MMP24: variants seen among roughly 807,000 people sequenced by gnomAD.
The protein encoded by MMP24 is matrix metalloproteinase-24.
MMP24 carries 25 observed loss-of-function variants against 62.8 expected under a neutral mutation model. The ratio of observed to expected loss-of-function variants is 0.40; its 90% CI spans 0.29 to 0.56. MMP24 has a LOEUF of 0.56. Ranked by LOEUF, MMP24 falls within the 20% of genes least tolerant of loss-of-function variation. The pLI, the probability that MMP24 is intolerant of heterozygous loss-of-function variation, is 0.50. For synonymous variants in MMP24, 319 were observed against 350.5 expected, an observed-to-expected ratio of 0.91 and a Z score of 1.00; for missense variants, 634 against 853.6, an observed-to-expected ratio of 0.74 and a Z score of 3.21.
At chr20:35,227,820 G>A (rs1460234840) in intron 1 of MMP24, among the ~76,000 whole-genome samples, 1 of 152,102 alleles carries the variant, frequency 6.6e-6, no homozygotes. Context: ...TTTTACAGAT[G>A]GGGATACAGA....
rs1310906620 is a variant in MMP24, at chr20:35,276,515, C to T, written c.*1906C>T. 2.6e-6 allele frequency: 1 copy of T among 388,784 alleles called. No individual in the cohort carries two copies. The highest frequency in any genetic ancestry group is 3.6e-5 in the East Asian group (1 of 27,456). 24.1% of individuals were successfully genotyped at this position (388,784 alleles called of 1,614,324 possible). ...CCAGTGGGCTGGCTGGGTCTTGTGT[C>T]CCCATCTGTGGACCCCTCTAGGGTC... On this transcript the variant is annotated 3_prime_UTR_variant, in exon 9 of 9. Coordinates refer to ENST00000246186, the MANE Select transcript of MMP24 (RefSeq NM_006690.4).
chr20:35,237,019 G>C (rs1414381797), intron 1 of MMP24, among the ~76,000 whole-genome samples: 1 of 151,658 alleles, frequency 6.6e-6, no homozygotes, highest in African/African-American at 2.4e-5. Flanking sequence ...GTTGGTGGGG[G>C]AGCTGGGAAT....
chr20:35,255,445 C>T (rs1273067242), intron 4 of MMP24, among the ~76,000 whole-genome samples: 1 of 152,152 alleles, frequency 6.6e-6, no homozygotes, highest in African/African-American at 2.4e-5. Flanking sequence ...ACGACTGGCT[C>T]TCTCCTTTGT....
chr20:35,265,524 GTATTAAATAAACTAC>G (rs1487082707), intron 5 of MMP24, among the ~76,000 whole-genome samples: 1 of 151,982 alleles, frequency 6.6e-6, no homozygotes, highest in African/African-American at 2.4e-5. Context: ...ACACTAGTAT[GTATTAAATAAACTAC>G]TATTAAATAA....
chr20:35,226,890 G>GGGC lies in MMP24; in HGVS notation c.170_172dup (p.Ala57dup), dbSNP rs1180290790. On this transcript the variant is annotated inframe_insertion, in exon 1 of 9. Transcript: ENST00000246186. ...CTCTGCTGCCTCCCGGGCGCCGCGC[G>GGGC]GGCGGCGGCGGCGGCGGCGGGGGCA... 4.2e-5 allele frequency: 41 copies of GGGC among 977,174 alleles called. No individual in the cohort carries two copies. Among genetic ancestry groups the GGGC allele is most frequent in the Middle Eastern group, 5.3e-4 (1 of 1,896 alleles). The allele number at this position is 977,174 out of a possible 1,614,324, so 60.5% of individuals were successfully genotyped here. A position where few individuals can be genotyped will look rare whatever the true frequency, so the allele number is the denominator to read the frequency against.
chr20:35,265,688 G>A (rs528876395), intron 5 of MMP24, among the ~76,000 whole-genome samples: 16 of 151,940 alleles, frequency 1.1e-4, no homozygotes, highest in African/African-American at 3.6e-4. Context: ...AGACCAGCCT[G>A]GGCAACAAAG....
intron 1 of MMP24, among the ~76,000 whole-genome samples, chr20:35,232,998 C>T (rs996887730): frequency 1.4e-4 from 21 of 152,006 alleles, no homozygotes; most frequent in African/African-American, 4.4e-4. Context: ...TCAAGTGACC[C>T]GCCCACCTTG....
intron 4 of MMP24, among the ~76,000 whole-genome samples, chr20:35,256,714 C>CAAAA (rs74173944): frequency 0.01 from 400 of 39,684 alleles, 25 homozygotes; most frequent in South Asian, 0.055. Flanking sequence ...GATTCCGTCT[C>CAAAA]AAAAAAAAAA....
rs1471585079 is a variant in MMP24 at position 35,226,926 on chromosome 20, C to A, written c.188C>A (p.Ala63Glu). ...GCGGCGGCGGGGGCAGGGAACCGGG[C>A]AGCGGTGGCGGTGGCGGTGGCGCGG... is the stretch of plus-strand genomic sequence containing the variant. ...AAAAAGAGNR[A>E]AVAVAVARAD... Residue 63 changes from alanine to glutamate, a missense_variant, in exon 1 of 9, where the codon GCA (alanine) becomes GAA (glutamate). This residue lies in a region of MMP24 where 212 missense variants were observed against 259.6 expected (regional missense o/e 0.82). Transcript: ENST00000246186. The A allele has an allele frequency of 1.0e-6, 1 of 975,940 alleles. No homozygotes were observed. Among genetic ancestry groups the A allele is most frequent in the Non-Finnish European group, 1.2e-6 (1 of 824,196 alleles). The allele number at this position is 975,940 out of a possible 1,614,324, so 60.5% of individuals were successfully genotyped here. A position where few individuals can be genotyped will look rare whatever the true frequency, so the allele number is the denominator to read the frequency against.
intron 6 of MMP24, among the ~76,000 whole-genome samples, chr20:35,268,779 A>G (rs1026299512): frequency 2.1e-4 from 31 of 148,826 alleles, no homozygotes; most frequent in African/African-American, 3.7e-4. Flanking sequence ...TGCAATCCCA[A>G]CACTTTGGGA....
intron 5 of MMP24, 187 bp downstream of exon 5, chr20:35,264,139 C>T (rs1317459391): frequency 1.9e-5 from 11 of 593,730 alleles, no homozygotes; most frequent in Non-Finnish European, 2.1e-5. Context: ...TCCCCTGGCA[C>T]ACCTGGGAAA....
chr20:35,243,178 C>CA (rs2060497512), intron 1 of MMP24, among the ~76,000 whole-genome samples: 1 of 151,226 alleles, frequency 6.6e-6, no homozygotes, highest in Non-Finnish European at 1.5e-5. Context: ...GACTTCATCT[C>CA]AAAAAAAGAA....
At chr20:35,250,773 C>G (rs2060540814) in intron 2 of MMP24, among the ~76,000 whole-genome samples, 1 of 151,946 alleles carries the variant, frequency 6.6e-6, no homozygotes, top group Admixed American at 6.6e-5. Flanking sequence ...GGGGGAGGTG[C>G]TCCACACCAT....
intron 1 of MMP24, among the ~76,000 whole-genome samples, chr20:35,227,885 T>C (rs147319873): frequency 8.9e-4 from 135 of 152,304 alleles, no homozygotes; most frequent in African/African-American, 3.2e-3. Flanking sequence ...GTGATGGAAT[T>C]GGAATTCTAA....
In MMP24 at chr20:35,274,474, C is replaced by A; in HGVS notation, c.1803C>A (p.Asn601Lys). The A allele has an allele frequency of 6.2e-7, 1 of 1,614,046 alleles. No homozygotes were observed. Among genetic ancestry groups the A allele is most frequent in the Non-Finnish European group, 8.5e-7 (1 of 1,179,894 alleles). Residue 601 changes from asparagine to lysine, a missense_variant, in exon 9 of 9, where the codon AAC (asparagine) becomes AAA (lysine). Coordinates refer to ENST00000246186, the MANE Select transcript of MMP24 (RefSeq NM_006690.4). This position sits in a 1 kb window ranked among gnomAD's most constrained non-coding sequence, Gnocchi z 5.1. ...TCAACGATGTGCCGGGCTCCGTGAA[C>A]GCCGTGGCCGTGGTCATCCCCTGCA... is the stretch of plus-strand genomic sequence containing the variant. ...VTINDVPGSV[N>K]AVAVVIPCIL...
In MMP24 at chr20:35,274,161, T is replaced by C. The variant is rs1600810471; in HGVS notation, c.1601-111T>C. 9.4e-7 allele frequency: 1 copy of C among 1,068,590 alleles called. No homozygotes were observed. Among genetic ancestry groups the C allele is most frequent in the East Asian group, 2.4e-5 (1 of 41,012 alleles). The allele number at this position is 1,068,590 out of a possible 1,614,324, so 66.2% of individuals were successfully genotyped here. A position where few individuals can be genotyped will look rare whatever the true frequency, so the allele number is the denominator to read the frequency against. ...AAGCACTGCACCCCAAACCTCCAGG[T>C]GTGCCCACCTTGCCTCCCTTGCCAC... On this transcript the variant is annotated intron_variant, in intron 8 of 8. Transcript: ENST00000246186. The surrounding 1 kb of genome is among the most constrained non-coding windows in gnomAD (Gnocchi z 5.1).
At chr20:35,253,654 G>A (rs547373923) in intron 3 of MMP24, among the ~76,000 whole-genome samples, 1 of 152,060 alleles carries the variant, frequency 6.6e-6, no homozygotes, top group Admixed American at 6.6e-5. Flanking sequence ...ACACAGCGAC[G>A]CTAAACAGCT....
rs111627803 is a variant in MMP24, at chr20:35,229,624, C to T, written c.246+2640C>T. ...TATAGAAATATTGTTGCTTTTAAGC[C>T]GGCAGATAATATTGCTTACTCCTCT... On this transcript the variant is annotated intron_variant, in intron 1 of 8. Coordinates refer to ENST00000246186, the MANE Select transcript of MMP24 (RefSeq NM_006690.4). Among the ~76,000 whole-genome samples, 22 of 152,224 alleles carry T rather than the reference C, an allele frequency of 1.4e-4. No individual in the cohort carries two copies. In the East Asian group the frequency reaches 2.5e-3, roughly 17 times the overall value.
chr20:35,259,813 G>T (rs1416112708), intron 4 of MMP24, among the ~76,000 whole-genome samples: 1 of 152,106 alleles, frequency 6.6e-6, no homozygotes. Context: ...ACCCTATCAG[G>T]GGTGCTGGTG....
Sources: allele counts gnomAD v4.1 joint callset (sites outside exome capture counted in the v4.1 genomes callset), GRCh38; gene constraint gnomAD v4.1.1; regional missense constraint gnomAD v4.1.1; non-coding constraint Gnocchi (gnomAD v3.1); transcripts MANE v1.5; gene names NCBI Gene and HGNC (gene_info 2026-07-23, HGNC 2026-07-21).